Variants in LRRC3B observed in about 807,000 individuals in gnomAD.
The protein encoded by LRRC3B is leucine rich repeat containing 3B.
Under a neutral mutation model 12.8 loss-of-function variants are expected in LRRC3B, and 2 were observed. The observed-to-expected ratio is 0.16, with a 90% CI of 0.06 to 0.49. The LOEUF is 0.49. Ranked by LOEUF, LRRC3B falls within the 20% of genes least tolerant of loss-of-function variation. The probability of loss-of-function intolerance (pLI) is 0.96; values close to 1 mark genes in which losing one functional copy is unlikely to be tolerated. For missense variants in LRRC3B, 189 were observed against 319.4 expected, an observed-to-expected ratio of 0.59 and a Z score of 3.11; for synonymous variants, 132 against 122.0, an observed-to-expected ratio of 1.08 and a Z score of -0.54.
At chr3:26,698,020 G>A (rs1355811604) in intron 1 of LRRC3B, among the ~76,000 whole-genome samples, 1 of 152,056 alleles carries the variant, frequency 6.6e-6, no homozygotes, top group Admixed American at 6.6e-5. Flanking sequence ...TGAAATCATT[G>A]ACTCTTTAGA....
Position 26,701,382 on chromosome 3 carries a change from C to G in LRRC3B, c.-160-8131C>G, listed in dbSNP as rs189353701. 3.3e-5 allele frequency: 5 copies of G among 152,186 alleles called. No individual in the cohort carries two copies. In the East Asian group the frequency reaches 9.7e-4, roughly 29 times the overall value. The allele number at this position is 152,186 out of a possible 1,614,324, so 9.4% of individuals were successfully genotyped here. On this transcript the variant is annotated intron_variant, in intron 1 of 1. Coordinates refer to ENST00000396641, the Ensembl canonical transcript of LRRC3B. ...GTCTCTCTCTCCTGAGACTTTCATA[C>G]CCTCCCCCCATGTGGCTCCCCTGAC...
At chr3:26,637,307 G>A (rs1206634191) in intron 1 of LRRC3B, among the ~76,000 whole-genome samples, 1 of 152,110 alleles carries the variant, frequency 6.6e-6, no homozygotes, top group Admixed American at 6.5e-5. Context: ...GAACCAACTG[G>A]TTTCTAGAAA....
At chr3:26,694,220 A>G (rs1412042886) in intron 1 of LRRC3B, among the ~76,000 whole-genome samples, 1 of 152,206 alleles carries the variant, frequency 6.6e-6, no homozygotes, top group Non-Finnish European at 1.5e-5. Context: ...TGAATGTATT[A>G]ATTTATCAAT....
intron 1 of LRRC3B, among the ~76,000 whole-genome samples, chr3:26,698,279 C>T (rs1014261811): frequency 1.3e-5 from 2 of 152,178 alleles, no homozygotes; most frequent in African/African-American, 2.4e-5. Flanking sequence ...TTATTACCCT[C>T]ATGTTCAGAT....
intron 1 of LRRC3B, among the ~76,000 whole-genome samples, chr3:26,636,968 T>TTCTCTCTCTC (rs1559350440): frequency 2.3e-3 from 152 of 66,190 alleles, no homozygotes; most frequent in Non-Finnish European, 4.1e-3. Flanking sequence ...CTTTCTTTCT[T>TTCTCTCTCTC]TCTTTCTCTC....
intron 1 of LRRC3B, among the ~76,000 whole-genome samples, chr3:26,680,766 CT>C (rs1404546206): frequency 6.6e-6 from 1 of 152,244 alleles, no homozygotes; most frequent in Non-Finnish European, 1.5e-5. Flanking sequence ...TCTCCAACAA[CT>C]TTGTTTCATT....
At chr3:26,704,766 A>G (rs1354695790) in intron 1 of LRRC3B, among the ~76,000 whole-genome samples, 1 of 152,018 alleles carries the variant, frequency 6.6e-6, no homozygotes, top group African/African-American at 2.4e-5. Context: ...AAAATAATCA[A>G]CCTTTTGTTT....
chr3:26,707,141 C>T (rs1191745010), intron 1 of LRRC3B, among the ~76,000 whole-genome samples: 4 of 149,084 alleles, frequency 2.7e-5, no homozygotes, highest in Non-Finnish European at 4.4e-5. Context: ...CACTTAAGGT[C>T]AGGAGTTCAA....
At chr3:26,675,928 C>T (rs1361992575) in intron 1 of LRRC3B, among the ~76,000 whole-genome samples, 1 of 150,166 alleles carries the variant, frequency 6.7e-6, no homozygotes, top group Non-Finnish European at 1.5e-5. Flanking sequence ...CTGACATCAT[C>T]CTTCATTCAT....
intron 1 of LRRC3B, among the ~76,000 whole-genome samples, chr3:26,642,629 T>C (rs1462453472): frequency 6.6e-6 from 1 of 152,168 alleles, no homozygotes; most frequent in Non-Finnish European, 1.5e-5. Context: ...GGCCTGTTTC[T>C]CTACAGGCTT....
chr3:26,632,571 A>G (rs1374267681), intron 1 of LRRC3B, among the ~76,000 whole-genome samples: 1 of 152,098 alleles, frequency 6.6e-6, no homozygotes, highest in Non-Finnish European at 1.5e-5. Flanking sequence ...CCCAGGGTTT[A>G]TATATGGTAG....
intron 1 of LRRC3B, among the ~76,000 whole-genome samples, chr3:26,688,686 G>A (rs528477452): frequency 1.3e-5 from 2 of 152,128 alleles, no homozygotes; most frequent in Non-Finnish European, 1.5e-5. Context: ...CCAAGGGGAT[G>A]GTGCTAAACC....
chr3:26,708,287 T>A (rs1441040390), intron 1 of LRRC3B, among the ~76,000 whole-genome samples: 3 of 152,172 alleles, frequency 2.0e-5, no homozygotes, highest in Non-Finnish European at 4.4e-5. Flanking sequence ...TCACTTGAGC[T>A]CCATGGGGTC....
At chr3:26,678,095 G>T (rs1016943789) in intron 1 of LRRC3B, among the ~76,000 whole-genome samples, 2 of 152,146 alleles carry the variant, frequency 1.3e-5, no homozygotes, top group Non-Finnish European at 2.9e-5. Flanking sequence ...CGGTTTACAG[G>T]TGTGAGCCAC....
intron 1 of LRRC3B, among the ~76,000 whole-genome samples, chr3:26,701,476 T>C (rs1700452735): frequency 1.3e-5 from 2 of 152,164 alleles, no homozygotes; most frequent in Non-Finnish European, 2.9e-5. Context: ...AGTTTTGTGT[T>C]GCTGGAGTCC....
At chr3:26,656,878 CTT>C (rs1699382930) in intron 1 of LRRC3B, among the ~76,000 whole-genome samples, 1 of 152,152 alleles carries the variant, frequency 6.6e-6, no homozygotes, top group Non-Finnish European at 1.5e-5. Context: ...CAAGTTAAGA[CTT>C]AGCATGGGAC....
At chr3:26,646,598 T>TAAAAAAAAAAAAAAAAAA (rs529066996) in intron 1 of LRRC3B, among the ~76,000 whole-genome samples, 1 of 99,644 alleles carries the variant, frequency 1.0e-5, no homozygotes, top group Non-Finnish European at 2.1e-5. Context: ...GGATAGGAGG[T>TAAAAAAAAAAAAAAAAAA]AAAAAAAAAA....
intron 1 of LRRC3B, among the ~76,000 whole-genome samples, chr3:26,654,582 G>T (rs1231358991): frequency 6.6e-6 from 1 of 152,204 alleles, no homozygotes; most frequent in Non-Finnish European, 1.5e-5. Flanking sequence ...GAGTAAGGAG[G>T]ATGTTCTAGG....
chr3:26,639,568 T>C (rs1698978305), intron 1 of LRRC3B, among the ~76,000 whole-genome samples: 1 of 142,622 alleles, frequency 7.0e-6, no homozygotes, highest in South Asian at 2.2e-4. Flanking sequence ...TAAATAAACT[T>C]AAATATTTAG....
Sources: gnomAD v4.1 joint callset for allele counts (sites outside exome capture counted in the v4.1 genomes callset) on GRCh38, gnomAD v4.1.1 for gene constraint, MANE v1.5 for transcripts, NCBI Gene and HGNC (gene_info 2026-07-23, HGNC 2026-07-21) for gene names.